SYNE2: variants seen among roughly 807,000 people sequenced by gnomAD.
The protein encoded by SYNE2 is nesprin-2.
In SYNE2, 431 loss-of-function variants were observed where a neutral mutation model predicts 856.3. That is an observed-to-expected ratio of 0.50 (90% confidence interval 0.47 to 0.55). The LOEUF is 0.55. Ranked by LOEUF, SYNE2 falls within the 20% of genes least tolerant of loss-of-function variation. The pLI, the probability that SYNE2 is intolerant of heterozygous loss-of-function variation, is 0.00. For missense variants in SYNE2, 8,129 were observed against 8,023.2 expected, an observed-to-expected ratio of 1.01 and a Z score of -0.50; for synonymous variants, 2,923 against 2,872.3, an observed-to-expected ratio of 1.02 and a Z score of -0.56.
chr14:64,190,799 C>G (rs1473192707), intron 99 of SYNE2: 2 of 662,264 alleles, frequency 3.0e-6, no homozygotes, highest in Admixed American at 2.1e-5. Flanking sequence ...GACCACAAAT[C>G]AAAGCTATAT....
chr14:64,003,496 T>C (rs1311869501), intron 30 of SYNE2, among the ~76,000 whole-genome samples, 166 bp downstream of exon 30: 1 of 152,248 alleles, frequency 6.6e-6, no homozygotes, highest in Non-Finnish European at 1.5e-5. Flanking sequence ...AACTTCCTTT[T>C]TGTTGGTATT....
chr14:63,996,814 A>G lies in SYNE2; in HGVS notation c.2941-133A>G, dbSNP rs146679102. On this transcript the variant is annotated intron_variant, in intron 23 of 115. Transcript: ENST00000555002. ...TCTCATCTTTTTTTCTCTAGCGCCT[A>G]TTGTCATAGCATGTAGATGGCCTAT... 5.1e-4 allele frequency: 434 copies of G among 845,928 alleles called. 3 individuals are homozygous for G. The African/African-American group carries it at 5.7e-3, about 11-fold the overall frequency. 52.4% of individuals were successfully genotyped at this position (845,928 alleles called of 1,614,324 possible).
Position 63,986,477 on chromosome 14 carries a change from G to T in SYNE2, c.2173G>T (p.Glu725Ter). ...NIKAGEKHEK[E>*]NEEFTGQLKV... ...GTAGGCTGGAGAGAAACATGAAAAA[G>T]AAAATGAAGAATTCACAGGGCAACT... Residue 725 changes from glutamate to a stop codon, truncating the protein, a stop_gained, in exon 19 of 116, where the codon GAA (glutamate) becomes TAA (stop). Transcript: ENST00000555002. LOFTEE classifies it high-confidence loss of function. 1 of 1,614,064 alleles carries T rather than the reference G, an allele frequency of 6.2e-7. No homozygotes were observed. The highest frequency in any genetic ancestry group is 8.5e-7 in the Non-Finnish European group (1 of 1,179,978).
At chr14:64,224,196 A>AG (rs1010989199) in intron 113 of SYNE2, among the ~76,000 whole-genome samples, 3 of 150,466 alleles carry the variant, frequency 2.0e-5, no homozygotes, top group Non-Finnish European at 4.4e-5. Flanking sequence ...AAAAAAAAAA[A>AG]AAAAAATACA....
At chr14:63,925,552 T>C (rs184723068) in intron 2 of SYNE2, among the ~76,000 whole-genome samples, 5 of 151,912 alleles carry the variant, frequency 3.3e-5, no homozygotes, top group Admixed American at 2.6e-4. Flanking sequence ...AATTGCATTG[T>C]TTTTTTTACC....
chr14:64,087,380 G>A (rs748271076), intron 57 of SYNE2: 1 of 570,214 alleles, frequency 1.8e-6, no homozygotes, highest in Non-Finnish European at 3.5e-6. Flanking sequence ...GGCTTATTAT[G>A]TATAATAAAA....
chr14:63,873,430 C>G (rs561027924), intron 1 of SYNE2: 1 of 151,860 alleles, frequency 6.6e-6, no homozygotes. Context: ...GAGTCTAGCT[C>G]TGTTGCCCAG....
At chr14:64,085,240 T>C (rs1222655245) in intron 57 of SYNE2, among the ~76,000 whole-genome samples, 1 of 152,166 alleles carries the variant, frequency 6.6e-6, no homozygotes, top group Non-Finnish European at 1.5e-5. Flanking sequence ...GCCTGGCTAA[T>C]TTCTAAATTT....
At chr14:64,037,791 C>T (rs1178054355) in intron 45 of SYNE2, among the ~76,000 whole-genome samples, 7 of 139,432 alleles carry the variant, frequency 5.0e-5, no homozygotes, top group South Asian at 2.5e-4. Flanking sequence ...TAGGGGCGGC[C>T]GGGCAGAGGC....
intron 19 of SYNE2, 36 bp downstream of exon 19, chr14:63,986,653 G>C: frequency 6.2e-7 from 1 of 1,602,662 alleles, no homozygotes. Context: ...GTACTTTCAT[G>C]GTTGTGCATT....
intron 26 of SYNE2, among the ~76,000 whole-genome samples, chr14:63,998,631 G>T (rs1446085692): frequency 2.6e-5 from 4 of 152,060 alleles, no homozygotes; most frequent in African/African-American, 9.7e-5. Flanking sequence ...GCGCCATCTT[G>T]GCTTGCTGCA....
chr14:64,051,916 T>G lies in SYNE2; in HGVS notation c.8003T>G (p.Leu2668Trp), dbSNP rs143558316. 1,512 of 1,613,896 alleles carry G rather than the reference T, an allele frequency of 9.4e-4. 1 individual carries two copies. The highest frequency in any genetic ancestry group is 1.2e-3 in the Non-Finnish European group (1,447 of 1,180,016). Residue 2668 changes from leucine (L) to tryptophan (W), a missense_variant, in exon 48 of 116, where the codon TTG (leucine) becomes TGG (tryptophan). Leu to Trp is a moderately conservative substitution (Grantham distance 61, BLOSUM62 -2). Around this residue, in one of 3 missense-constraint regions of SYNE2, gnomAD observed 5,410 missense variants for 5,284.8 expected, o/e 1.02. Coordinates refer to ENST00000555002, the MANE Select transcript of SYNE2 (RefSeq NM_182914.3). ...ERAGNQSMIA[L>W]TTDLQATKHG... is the part of the protein sequence containing the mutation. ...GCAGGGAACCAAAGCATGATTGCCT[T>G]GACCACTGACCTCCAGGCTACCAAG... is the stretch of plus-strand genomic sequence containing the variant.
intron 109 of SYNE2, among the ~76,000 whole-genome samples, chr14:64,218,798 GGAT>G (rs1273164237): frequency 2.0e-5 from 3 of 152,190 alleles, no homozygotes; most frequent in Non-Finnish European, 2.9e-5. Context: ...TCAGACTTGA[GGAT>G]GATGATCAGT....
At position 64,113,430 on chromosome 14, in the gene SYNE2, G is replaced by A; in HGVS notation, c.12699G>A (p.Glu4233=). The change falls in exon 66 of 116, where the codon GAG becomes GAA. Residue 4233 remains glutamate, a synonymous_variant. Coordinates refer to ENST00000555002, the MANE Select transcript of SYNE2 (RefSeq NM_182914.3). ...CCAGGGTGGAGAAAACTAGGCCGGA[G>A]CCCACAGAAGTCCTGCATGCCTGCA... is the stretch of plus-strand genomic sequence containing the variant. ...LEPRVEKTRP[E]PTEVLHACKT... The A allele has an allele frequency of 1.2e-6, 2 of 1,614,182 alleles. No individual in the cohort carries two copies. The highest frequency in any genetic ancestry group is 1.7e-6 in the Non-Finnish European group (2 of 1,180,040).
intron 89 of SYNE2, among the ~76,000 whole-genome samples, chr14:64,164,001 C>A (rs775653796): frequency 8.5e-5 from 13 of 152,266 alleles, no homozygotes; most frequent in Admixed American, 3.3e-4. Context: ...CTCACTGCAA[C>A]CTCCACCTCC....
chr14:64,042,723 T>C (rs189254230), intron 45 of SYNE2, among the ~76,000 whole-genome samples: 192 of 151,930 alleles, frequency 1.3e-3, no homozygotes, highest in South Asian at 3.1e-3. Context: ...TTGTGAGGCT[T>C]CCCCAGCCAC....
chr14:63,941,198 T>C (rs1317685210), intron 3 of SYNE2, among the ~76,000 whole-genome samples: 3 of 152,212 alleles, frequency 2.0e-5, no homozygotes, highest in African/African-American at 7.2e-5. Flanking sequence ...CTCAGTGGCC[T>C]TGATCATAAT....
At chr14:64,075,905 C>G in intron 53 of SYNE2, 40 bp from the exon 54 acceptor site, 1 of 1,610,524 alleles carries the variant, frequency 6.2e-7, no homozygotes, top group Non-Finnish European at 8.5e-7. Flanking sequence ...AAACTTTTCC[C>G]CCAGTCTCGT....
chr14:64,142,815 T>C (rs181335908), intron 82 of SYNE2, among the ~76,000 whole-genome samples: 5 of 152,226 alleles, frequency 3.3e-5, no homozygotes, highest in Admixed American at 2.6e-4. Flanking sequence ...CAAATAGATA[T>C]AAATGTGGCC....
Sources: gnomAD v4.1 joint callset for allele counts (sites outside exome capture counted in the v4.1 genomes callset) on GRCh38, gnomAD v4.1.1 for gene constraint, gnomAD v4.1.1 regional missense constraint, MANE v1.5 for transcripts, NCBI Gene and HGNC (gene_info 2026-07-23, HGNC 2026-07-21) for gene names.